The following SLC2A13 variants were observed in gnomAD, a reference collection of about 807,000 sequenced individuals.
SLC2A13 encodes the protein proton myo-inositol cotransporter.
SLC2A13 carries 32 observed loss-of-function variants against 64.4 expected under a neutral mutation model. The ratio of observed to expected loss-of-function variants is 0.50; its 90% CI spans 0.37 to 0.67. The LOEUF (loss-of-function observed/expected upper bound fraction) is 0.67. SLC2A13 is among the 30% of genes least tolerant of loss of function. SLC2A13 has a pLI of 0.00. For missense variants in SLC2A13, 743 were observed against 829.2 expected (o/e 0.90, Z 1.28); for synonymous variants, 338 against 327.1 (o/e 1.03, Z -0.36).
At chr12:39,929,929 G>A (rs778229819) in intron 4 of SLC2A13, among the ~76,000 whole-genome samples, 14 of 152,048 alleles carry the variant, frequency 9.2e-5, no homozygotes, top group East Asian at 7.8e-4. Context: ...TCAGGAGTTC[G>A]AGACCAGCCT....
chr12:39,863,720 CTT>C (rs1183450731), intron 6 of SLC2A13, among the ~76,000 whole-genome samples: 1 of 152,108 alleles, frequency 6.6e-6, no homozygotes, highest in Non-Finnish European at 1.5e-5. Context: ...AATAAACAAA[CTT>C]ATCAGTAAAA....
intron 6 of SLC2A13, among the ~76,000 whole-genome samples, chr12:39,843,057 A>T (rs977992338): frequency 3.9e-5 from 6 of 151,974 alleles, no homozygotes; most frequent in South Asian, 2.1e-4. Context: ...GCTGTTTTAT[A>T]AAAAAAACTG....
chr12:39,967,753 G>A (rs1946546617), intron 3 of SLC2A13, among the ~76,000 whole-genome samples: 1 of 152,006 alleles, frequency 6.6e-6, no homozygotes, highest in South Asian at 2.1e-4. Flanking sequence ...ATATCCATTT[G>A]GCCTTTTAAT....
intron 7 of SLC2A13, among the ~76,000 whole-genome samples, chr12:39,825,298 T>C (rs998668178): frequency 2.0e-5 from 3 of 152,118 alleles, no homozygotes; most frequent in Non-Finnish European, 2.9e-5. Context: ...GGCGGATAAA[T>C]AGACACAGAT....
At position 39,895,808 on chromosome 12, in the gene SLC2A13, ATACGTACACACATGTATATG is replaced by A. The variant is rs1412793054; in HGVS notation, c.1035-23867_1035-23848del. Reference sequence around the variant, plus strand: ...TACGTACACACATGTATATGCGTGTATACGTACACACATGTATATGCGTGTATATGCACACACATATGTAT... The same window carrying A: ...TACGTACACACATGTATATGCGTGTACGTGTATATGCACACACATATGTAT... On this transcript the variant is annotated intron_variant, in intron 4 of 9. Transcript: ENST00000280871. Among the ~76,000 whole-genome samples, 37 of 95,828 alleles carry A rather than the reference ATACGTACACACATGTATATG, an allele frequency of 3.9e-4. 13 individuals carry two copies. The highest frequency in any genetic ancestry group is 1.6e-3 in the African/African-American group (37 of 23,058). 62.9% of individuals were successfully genotyped at this position (95,828 alleles called of 152,430 possible).
chr12:39,929,936 G>C (rs894458123), intron 4 of SLC2A13, among the ~76,000 whole-genome samples: 2 of 152,022 alleles, frequency 1.3e-5, no homozygotes, highest in Admixed American at 6.6e-5. Context: ...TTCGAGACCA[G>C]CCTGGCCAAC....
intron 4 of SLC2A13, among the ~76,000 whole-genome samples, chr12:39,892,526 A>T (rs938989033): frequency 6.6e-6 from 1 of 152,164 alleles, no homozygotes; most frequent in African/African-American, 2.4e-5. Context: ...ATTTTTTTTT[A>T]AACTACTGTA....
intron 4 of SLC2A13, among the ~76,000 whole-genome samples, chr12:39,924,410 AATTATTAGGATCATTGTATCATTAGT>A (rs1310627908): frequency 2.6e-5 from 4 of 152,074 alleles, no homozygotes; most frequent in Admixed American, 2.6e-4. Flanking sequence ...ATGATTCTGC[AATTATTAGGATCATTGTATCATTAGT>A]ATAGAAGTAT....
intron 7 of SLC2A13, among the ~76,000 whole-genome samples, chr12:39,802,864 CTAGGA>C (rs1941840119): frequency 6.6e-6 from 1 of 151,946 alleles, no homozygotes; most frequent in Non-Finnish European, 1.5e-5. Context: ...AATGAATAAT[CTAGGA>C]ACCTCCAAGT....
chr12:39,862,043 CT>C (rs1473552635), intron 6 of SLC2A13, among the ~76,000 whole-genome samples: 1 of 152,190 alleles, frequency 6.6e-6, no homozygotes, highest in African/African-American at 2.4e-5. Context: ...CCACTGCCCC[CT>C]AACAGGCGCC....
intron 3 of SLC2A13, among the ~76,000 whole-genome samples, chr12:39,962,804 ACT>A (rs1360687359): frequency 6.6e-6 from 1 of 152,076 alleles, no homozygotes; most frequent in Non-Finnish European, 1.5e-5. Context: ...CTCAGGTTTG[ACT>A]CTATCTTGGC....
chr12:39,951,382 AG>A lies in SLC2A13; in HGVS notation c.926-18del, dbSNP rs2136101429. On this transcript the variant is annotated intron_variant, in intron 3 of 9. Coordinates refer to ENST00000280871, the MANE Select transcript of SLC2A13 (RefSeq NM_052885.4). ...CAGGTCCAGCTTTTTTAAGAAAGAA[AG>A]AAAAAAAAAATACAACTATTATTTT... The A allele has an allele frequency of 6.8e-7, 1 of 1,469,060 alleles. No individual in the cohort carries two copies. The allele number at this position is 1,469,060 out of a possible 1,614,324, so 91.0% of individuals were successfully genotyped here. A position where few individuals can be genotyped will look rare whatever the true frequency, so the allele number is the denominator to read the frequency against.
intron 6 of SLC2A13, among the ~76,000 whole-genome samples, chr12:39,839,244 A>G (rs767614844): frequency 1.3e-4 from 20 of 152,054 alleles, no homozygotes; most frequent in Non-Finnish European, 2.8e-4. Flanking sequence ...CGTGAAGGAC[A>G]GATTCCTATA....
chr12:39,784,389 G>A (rs1398612596), intron 7 of SLC2A13, among the ~76,000 whole-genome samples: 1 of 152,092 alleles, frequency 6.6e-6, no homozygotes, highest in Non-Finnish European at 1.5e-5. Flanking sequence ...ATAGAACAAT[G>A]GAACAGAACA....
intron 3 of SLC2A13, among the ~76,000 whole-genome samples, chr12:40,011,766 T>C (rs527782828): frequency 6.6e-6 from 1 of 152,148 alleles, no homozygotes; most frequent in Non-Finnish European, 1.5e-5. Context: ...TTCAGAGAAG[T>C]AAGCTGTGAA....
intron 6 of SLC2A13, among the ~76,000 whole-genome samples, chr12:39,856,911 G>A (rs1194803569): frequency 6.6e-6 from 1 of 152,064 alleles, no homozygotes. Flanking sequence ...TTTTCTGTAA[G>A]GTTTTCTTGG....
chr12:39,834,346 T>A (rs2135856628), intron 6 of SLC2A13, among the ~76,000 whole-genome samples: 1 of 152,200 alleles, frequency 6.6e-6, no homozygotes, highest in South Asian at 2.1e-4. Flanking sequence ...TACATCCATA[T>A]CTGTCCTCAC....
intron 4 of SLC2A13, among the ~76,000 whole-genome samples, chr12:39,932,543 A>G (rs1945844859): frequency 6.6e-6 from 1 of 152,230 alleles, no homozygotes; most frequent in South Asian, 2.1e-4. Flanking sequence ...AAAGGTTAAC[A>G]GTACAGATGG....
chr12:39,767,701 C>T (rs1476459599), intron 7 of SLC2A13, among the ~76,000 whole-genome samples: 1 of 152,022 alleles, frequency 6.6e-6, no homozygotes, highest in African/African-American at 2.4e-5. Context: ...ATTGTAGTTC[C>T]CATAGTCTCC....
Sources: gnomAD v4.1 joint callset for allele counts (sites outside exome capture counted in the v4.1 genomes callset) on GRCh38, gnomAD v4.1.1 for gene constraint, MANE v1.5 for transcripts, NCBI Gene and HGNC (gene_info 2026-07-23, HGNC 2026-07-21) for gene names.